The following FANCC variants were observed in gnomAD, a reference collection of about 807,000 sequenced individuals.
FANCC encodes the protein Fanconi anemia group C protein.
In FANCC, 55 loss-of-function variants were observed where a neutral mutation model predicts 71.3. That is an observed-to-expected ratio of 0.77 (90% CI 0.62 to 0.97). The LOEUF is 0.97. Ranked by LOEUF, FANCC falls within the 50% of genes least tolerant of loss-of-function variation. The probability of loss-of-function intolerance (pLI) is 0.00; values close to 1 mark genes in which losing one functional copy is unlikely to be tolerated. For synonymous variants in FANCC, 275 were observed against 244.9 expected, an observed-to-expected ratio of 1.12 and a Z score of -1.15; for missense variants, 678 against 670.9, an observed-to-expected ratio of 1.01 and a Z score of -0.12.
intron 4 of FANCC, among the ~76,000 whole-genome samples, chr9:95,228,992 G>C (rs1829812975): frequency 6.6e-6 from 1 of 152,160 alleles, no homozygotes; most frequent in South Asian, 2.1e-4. Flanking sequence ...CTCCTGAACA[G>C]AGACACTTAA....
At chr9:95,257,335 C>T (rs550442317) in intron 1 of FANCC, among the ~76,000 whole-genome samples, 3 of 152,326 alleles carry the variant, frequency 2.0e-5, no homozygotes, top group Non-Finnish European at 4.4e-5. Flanking sequence ...AACAGTCTCT[C>T]AGATCACAGT....
chr9:95,099,401 C>CCGCCAACGCCGTCAAGGCCCCCTCGGCCA lies in FANCC; in HGVS notation c.*2277_*2305dup. 1 of 228,160 alleles carries CCGCCAACGCCGTCAAGGCCCCCTCGGCCA rather than the reference C, an allele frequency of 4.4e-6. No homozygotes were observed. Among genetic ancestry groups the CCGCCAACGCCGTCAAGGCCCCCTCGGCCA allele is most frequent in the Non-Finnish European group, 8.7e-6 (1 of 115,394 alleles). 14.1% of individuals were successfully genotyped at this position (228,160 alleles called of 1,614,324 possible). ...CTGCGGCTGCCCCTGTGCCCAGGCC[C>CCGCCAACGCCGTCAAGGCCCCCTCGGCCA]CGCCAACGCCGTCAAGGCCCCCTCG... On this transcript the variant is annotated 3_prime_UTR_variant, in exon 15 of 15. Coordinates refer to ENST00000289081, the MANE Select transcript of FANCC (RefSeq NM_000136.3).
At chr9:95,104,974 G>A (rs1216592703) in intron 14 of FANCC, among the ~76,000 whole-genome samples, 1 of 152,228 alleles carries the variant, frequency 6.6e-6, no homozygotes, top group Non-Finnish European at 1.5e-5. Context: ...ATTTCGCTCA[G>A]TGTAAAGCCC....
intron 6 of FANCC, among the ~76,000 whole-genome samples, chr9:95,156,183 G>A (rs764113039): frequency 3.3e-5 from 5 of 152,198 alleles, no homozygotes; most frequent in Admixed American, 2.6e-4. Context: ...CTGGCACAGA[G>A]CGAAGTCCAC....
intron 7 of FANCC, among the ~76,000 whole-genome samples, chr9:95,149,102 T>C (rs1829941702): frequency 6.6e-6 from 1 of 152,186 alleles, no homozygotes; most frequent in African/African-American, 2.4e-5. Flanking sequence ...AAAAGAGCAT[T>C]GCTTTTCATA....
At chr9:95,311,709 C>CTGTGTGTGTGTG (rs56187288) in intron 1 of FANCC, among the ~76,000 whole-genome samples, 3,309 of 144,532 alleles carry the variant, frequency 0.023, 43 homozygotes, top group South Asian at 0.047. Context: ...TCCTCTGAAT[C>CTGTGTGTGTGTG]TGTGTGTGTG....
At chr9:95,162,135 C>A (rs1830786148) in intron 6 of FANCC, among the ~76,000 whole-genome samples, 1 of 152,210 alleles carries the variant, frequency 6.6e-6, no homozygotes, top group South Asian at 2.1e-4. Context: ...AGCCACTGCA[C>A]CTGCCCTTAG....
intron 4 of FANCC, among the ~76,000 whole-genome samples, chr9:95,206,568 G>T (rs940112518): frequency 2.0e-5 from 3 of 152,108 alleles, no homozygotes; most frequent in Non-Finnish European, 4.4e-5. Flanking sequence ...TCACAAAAAT[G>T]GCTTAACTTA....
chr9:95,259,210 C>CA lies in FANCC; in HGVS notation c.-78-9842dup, dbSNP rs202100790. ...AACTACTTTGAATTTCATATGGAACCAAAAAAAAGTCCATATAGCCAAGAC... is the reference window on the plus strand; with the variant it reads ...AACTACTTTGAATTTCATATGGAACCAAAAAAAAAGTCCATATAGCCAAGAC... On this transcript the variant is annotated intron_variant, in intron 1 of 14. Coordinates refer to ENST00000289081, the MANE Select transcript of FANCC (RefSeq NM_000136.3). Among the ~76,000 whole-genome samples the CA allele has an allele frequency of 3.4e-3, 519 of 151,658 alleles. 18 individuals are homozygous for CA. The East Asian group carries it at 0.083, about 24-fold the overall frequency.
chr9:95,240,093 T>C (rs1830548621), intron 4 of FANCC, among the ~76,000 whole-genome samples: 2 of 152,188 alleles, frequency 1.3e-5, no homozygotes, highest in Admixed American at 1.3e-4. Context: ...TAGAAAGCTG[T>C]CAGCTATCTG....
At chr9:95,126,075 G>A (rs1034922432) in intron 9 of FANCC, among the ~76,000 whole-genome samples, 3 of 152,200 alleles carry the variant, frequency 2.0e-5, no homozygotes, top group Non-Finnish European at 4.4e-5. Flanking sequence ...TGTTGTAAGA[G>A]AACATGCATG....
chr9:95,196,469 T>C (rs1187820440), intron 4 of FANCC, among the ~76,000 whole-genome samples: 1 of 152,224 alleles, frequency 6.6e-6, no homozygotes, highest in Non-Finnish European at 1.5e-5. Flanking sequence ...GTCTGTTTTA[T>C]TGTCTGCTAT....
rs972266993 is a variant in FANCC, at chr9:95,317,683, C to A, written c.-236G>T. On this transcript the variant is annotated 5_prime_UTR_variant, in exon 1 of 15. Coordinates refer to ENST00000289081, the MANE Select transcript of FANCC (RefSeq NM_000136.3). ...GGTCGCCCGGCAGTGGAGCCGCGCG[C>A]GCGCACACGTGTCAGCAGTGCATTC... 3 of 152,250 alleles carry A rather than the reference C, an allele frequency of 2.0e-5. No homozygotes were observed. The highest frequency in any genetic ancestry group is 4.4e-5 in the Non-Finnish European group (3 of 68,058). 9.4% of individuals were successfully genotyped at this position (152,250 alleles called of 1,614,324 possible). A position where few individuals can be genotyped will look rare whatever the true frequency, so the allele number is the denominator to read the frequency against.
chr9:95,165,281 C>T (rs1831001869), intron 6 of FANCC, among the ~76,000 whole-genome samples: 1 of 151,346 alleles, frequency 6.6e-6, no homozygotes, highest in Non-Finnish European at 1.5e-5. Context: ...TTAGTCTCTC[C>T]CTTTTAACTT....
At chr9:95,248,319 C>T (rs749509282) in intron 2 of FANCC, among the ~76,000 whole-genome samples, 2 of 152,172 alleles carry the variant, frequency 1.3e-5, no homozygotes, top group South Asian at 2.1e-4. Flanking sequence ...CCTGGTCCTA[C>T]ACTTTTTGGG....
At chr9:95,205,194 CATT>C (rs1828043540) in intron 4 of FANCC, among the ~76,000 whole-genome samples, 1 of 152,024 alleles carries the variant, frequency 6.6e-6, no homozygotes, top group Non-Finnish European at 1.5e-5. Context: ...TTGACAATGT[CATT>C]ATAAATTCTA....
intron 1 of FANCC, among the ~76,000 whole-genome samples, chr9:95,271,924 CTTCTTTT>C (rs1265507947): frequency 4.5e-5 from 3 of 67,240 alleles, no homozygotes; most frequent in Non-Finnish European, 9.4e-5. Flanking sequence ...CATCAAGCCT[CTTCTTTT>C]TTTTTTTTTT....
intron 4 of FANCC, among the ~76,000 whole-genome samples, chr9:95,199,198 G>C (rs1827649416): frequency 6.6e-6 from 1 of 152,048 alleles, no homozygotes; most frequent in Non-Finnish European, 1.5e-5. Flanking sequence ...AAAACAATCT[G>C]TTCCACAGAC....
chr9:95,231,903 T>C (rs1036338384), intron 4 of FANCC, among the ~76,000 whole-genome samples: 5 of 152,244 alleles, frequency 3.3e-5, no homozygotes, highest in African/African-American at 1.2e-4. Flanking sequence ...GAAATGAGCA[T>C]AAGCTGACTG....
Sources: gnomAD v4.1 joint callset for allele counts (sites outside exome capture counted in the v4.1 genomes callset) on GRCh38, gnomAD v4.1.1 for gene constraint, MANE v1.5 for transcripts, NCBI Gene and HGNC (gene_info 2026-07-23, HGNC 2026-07-21) for gene names.